The following DIAPH3 variants were observed in gnomAD, a reference collection of about 807,000 sequenced individuals.
DIAPH3 encodes protein diaphanous homolog 3.
A neutral mutation model predicts 144.3 loss-of-function variants in DIAPH3; 117 were observed. The observed-to-expected ratio is 0.81, with a 90% CI of 0.70 to 0.95. The LOEUF is 0.95. Ranked by LOEUF, DIAPH3 falls within the 40% of genes least tolerant of loss-of-function variation. The pLI is 0.00. For missense variants in DIAPH3, 1,421 were observed against 1,412.7 expected, an observed-to-expected ratio of 1.01 and a Z score of -0.09; for synonymous variants, 519 against 488.9, an observed-to-expected ratio of 1.06 and a Z score of -0.81.
intron 27 of DIAPH3, among the ~76,000 whole-genome samples, chr13:59,757,750 C>T (rs1291719668): frequency 6.6e-6 from 1 of 152,102 alleles, no homozygotes; most frequent in Non-Finnish European, 1.5e-5. Flanking sequence ...CACTGAAACA[C>T]TGTTAAAAGA....
At chr13:59,667,629 GTA>G (rs1344231973) in intron 27 of DIAPH3, among the ~76,000 whole-genome samples, 6 of 152,158 alleles carry the variant, frequency 3.9e-5, no homozygotes, top group Admixed American at 2.6e-4. Flanking sequence ...TAATTGTCAA[GTA>G]TATACACATC....
chr13:59,970,452 T>A (rs2140567853), intron 16 of DIAPH3, among the ~76,000 whole-genome samples: 1 of 152,314 alleles, frequency 6.6e-6, no homozygotes, highest in Admixed American at 6.5e-5. Flanking sequence ...GACTAGATAT[T>A]AGCTTCTGAC....
chr13:59,686,755 C>A (rs191394241), intron 27 of DIAPH3, among the ~76,000 whole-genome samples: 24 of 152,102 alleles, frequency 1.6e-4, no homozygotes, highest in Admixed American at 6.6e-4. Context: ...ATTTACACAA[C>A]CAGGGTAAGA....
chr13:59,857,011 G>A lies in DIAPH3; in HGVS notation c.2737+4396C>T, dbSNP rs77200192. On this transcript the variant is annotated intron_variant, in intron 22 of 27. Transcript: ENST00000400324. ...TGAGGCCCCAACCTACAACCTCCAC[G>A]ACATAATGATTCCAACCAATATAAT... 7.3e-4 allele frequency among the ~76,000 whole-genome samples: 111 copies of A among 151,922 alleles called. 1 individual carries two copies. The East Asian group carries it at 0.014, about 19-fold the overall frequency.
intron 25 of DIAPH3, among the ~76,000 whole-genome samples, chr13:59,806,828 CAAT>C (rs2040222608): frequency 6.6e-6 from 1 of 151,656 alleles, no homozygotes; most frequent in African/African-American, 2.4e-5. Flanking sequence ...TATAATAGTA[CAAT>C]GTCTTTATTG....
chr13:60,117,021 T>C (rs1202659870), intron 2 of DIAPH3, among the ~76,000 whole-genome samples: 7 of 152,128 alleles, frequency 4.6e-5, no homozygotes, highest in Admixed American at 1.3e-4. Flanking sequence ...AACGATTTCA[T>C]AGTATTGAGC....
intron 27 of DIAPH3, among the ~76,000 whole-genome samples, chr13:59,763,626 G>A (rs1388048996): frequency 1.3e-5 from 2 of 152,152 alleles, no homozygotes; most frequent in African/African-American, 2.4e-5. Context: ...CAAGGCTGCA[G>A]TGAGTTATGA....
At chr13:59,762,527 A>C (rs1220950880) in intron 27 of DIAPH3, among the ~76,000 whole-genome samples, 1 of 152,184 alleles carries the variant, frequency 6.6e-6, no homozygotes, top group Non-Finnish European at 1.5e-5. Context: ...TATTATGGCA[A>C]AGTAAAATAG....
At chr13:59,819,782 T>C (rs1277412077) in intron 24 of DIAPH3, among the ~76,000 whole-genome samples, 2 of 149,010 alleles carry the variant, frequency 1.3e-5, no homozygotes, top group Non-Finnish European at 3.0e-5. Context: ...AAAAAATCAA[T>C]CTGAGCTTAT....
chr13:60,001,170 G>A (rs1281859065), intron 9 of DIAPH3, among the ~76,000 whole-genome samples: 1 of 152,146 alleles, frequency 6.6e-6, no homozygotes, highest in East Asian at 1.9e-4. Flanking sequence ...GTATAATAAA[G>A]ATAATGTCTT....
intron 21 of DIAPH3, among the ~76,000 whole-genome samples, chr13:59,878,922 C>A (rs1178903575): frequency 6.6e-6 from 1 of 151,950 alleles, no homozygotes; most frequent in Non-Finnish European, 1.5e-5. Context: ...TGAGTAAGTA[C>A]GAGTCAGTAT....
At chr13:59,804,137 A>G (rs17057361) in intron 25 of DIAPH3, among the ~76,000 whole-genome samples, 6,486 of 152,294 alleles carry the variant, frequency 0.043, 234 homozygotes, top group South Asian at 0.11. Context: ...GGTCAGAACT[A>G]TTCAGAACAT....
intron 8 of DIAPH3, 146 bp downstream of exon 8, chr13:60,010,384 CAAT>C: frequency 1.3e-6 from 1 of 751,062 alleles, no homozygotes; most frequent in Non-Finnish European, 2.0e-6. Flanking sequence ...AATTTCCAGC[CAAT>C]AAGAAACTAT....
intron 21 of DIAPH3, among the ~76,000 whole-genome samples, chr13:59,871,857 T>C (rs560600100): frequency 1.3e-5 from 2 of 152,194 alleles, no homozygotes; most frequent in Non-Finnish European, 2.9e-5. Flanking sequence ...TTCATCTAGG[T>C]TATCACATTT....
At chr13:60,017,122 G>A (rs533483528) in intron 5 of DIAPH3, among the ~76,000 whole-genome samples, 3 of 151,950 alleles carry the variant, frequency 2.0e-5, no homozygotes, top group African/African-American at 4.8e-5. Context: ...ACAAAATTTC[G>A]GCCAGGCGTG....
At chr13:59,899,837 AG>A (rs2046334138) in intron 20 of DIAPH3, among the ~76,000 whole-genome samples, 1 of 152,172 alleles carries the variant, frequency 6.6e-6, no homozygotes, top group African/African-American at 2.4e-5. Flanking sequence ...TAAAAAGAAG[AG>A]AGATCAATAT....
intron 17 of DIAPH3, among the ~76,000 whole-genome samples, chr13:59,929,461 C>A (rs1566531598): frequency 6.6e-6 from 1 of 151,052 alleles, no homozygotes; most frequent in East Asian, 1.9e-4. Context: ...CTACTGTTAA[C>A]ACTGCTATCA....
chr13:59,821,533 T>C (rs1400608120), intron 24 of DIAPH3, among the ~76,000 whole-genome samples: 2 of 152,150 alleles, frequency 1.3e-5, no homozygotes, highest in African/African-American at 4.8e-5. Context: ...TGTCAGAATA[T>C]AGAAATTACG....
intron 5 of DIAPH3, among the ~76,000 whole-genome samples, chr13:60,028,695 C>T (rs778461529): frequency 6.6e-6 from 1 of 152,156 alleles, no homozygotes; most frequent in Non-Finnish European, 1.5e-5. Context: ...TCCAGACTCA[C>T]ACATCTAGGG....
Sources: allele counts gnomAD v4.1 joint callset (sites outside exome capture counted in the v4.1 genomes callset), GRCh38; gene constraint gnomAD v4.1.1; transcripts MANE v1.5; gene names NCBI Gene and HGNC (gene_info 2026-07-23, HGNC 2026-07-21).